Variants in SLC25A48 observed in about 807,000 individuals in gnomAD.
SLC25A48 encodes solute carrier family 25 member 48.
A neutral mutation model predicts 32.2 loss-of-function variants in SLC25A48; 29 were observed. That is an observed-to-expected ratio of 0.90 (90% CI 0.67 to 1.23). The LOEUF is 1.23. SLC25A48 is among the 50% of genes most tolerant of loss of function. The pLI is 0.00. For missense variants in SLC25A48, 399 were observed against 422.7 expected, an observed-to-expected ratio of 0.94 and a Z score of 0.49; for synonymous variants, 164 against 172.3, an observed-to-expected ratio of 0.95 and a Z score of 0.38.
At chr5:135,733,842 G>A (rs906889685) in intron 3 of SLC25A48, among the ~76,000 whole-genome samples, 1 of 152,064 alleles carries the variant, frequency 6.6e-6, no homozygotes, top group African/African-American at 2.4e-5. Flanking sequence ...GGATTTATGG[G>A]GTCAGCTAGG....
At chr5:135,856,762 G>T (rs1760355806) in intron 4 of SLC25A48, among the ~76,000 whole-genome samples, 1 of 152,234 alleles carries the variant, frequency 6.6e-6, no homozygotes, top group Non-Finnish European at 1.5e-5. Context: ...GAACTTTGCT[G>T]ATCTGTCCCA....
chr5:135,742,227 G>C (rs1755516130), intron 3 of SLC25A48, among the ~76,000 whole-genome samples: 1 of 152,148 alleles, frequency 6.6e-6, no homozygotes, highest in Non-Finnish European at 1.5e-5. Context: ...TTACAGGCCT[G>C]TGCTACCACA....
chr5:135,850,275 G>A (rs1759734730), intron 2 of SLC25A48, 150 bp from the exon 3 acceptor site: 1 of 686,360 alleles, frequency 1.5e-6, no homozygotes, highest in East Asian at 2.6e-5. Flanking sequence ...GTGCAAGCTG[G>A]AGACAGGGCA....
chr5:135,878,452 T>C (rs952713007), intron 6 of SLC25A48, among the ~76,000 whole-genome samples: 3 of 152,210 alleles, frequency 2.0e-5, no homozygotes, highest in African/African-American at 7.2e-5. Context: ...AGTGTTAATA[T>C]TACCAGGATC....
At chr5:135,590,042 C>A (rs777559597) in intron 1 of SLC25A48, among the ~76,000 whole-genome samples, 4 of 152,102 alleles carry the variant, frequency 2.6e-5, no homozygotes, top group Non-Finnish European at 4.4e-5. Flanking sequence ...AGGTAAATTC[C>A]CAGATTTGCT....
At chr5:135,647,626 G>C (rs1319992160) in intron 3 of SLC25A48, among the ~76,000 whole-genome samples, 1 of 152,200 alleles carries the variant, frequency 6.6e-6, no homozygotes, top group African/African-American at 2.4e-5. Flanking sequence ...GGCATGTGCA[G>C]AGGAGGCCTC....
intron 1 of SLC25A48, among the ~76,000 whole-genome samples, chr5:135,838,596 C>A (rs1051206272): frequency 3.3e-5 from 5 of 152,224 alleles, no homozygotes; most frequent in Non-Finnish European, 7.3e-5. Flanking sequence ...GGCCCAGGGA[C>A]CTCTGCTCTG....
At chr5:135,687,252 A>C (rs140690795) in intron 3 of SLC25A48, among the ~76,000 whole-genome samples, 32 of 152,334 alleles carry the variant, frequency 2.1e-4, no homozygotes, top group African/African-American at 5.8e-4. Flanking sequence ...GAAGGTGAGC[A>C]CTTTACCACC....
intron 1 of SLC25A48, among the ~76,000 whole-genome samples, chr5:135,626,562 GTGTC>G (rs1258943221): frequency 1.3e-5 from 2 of 152,218 alleles, no homozygotes; most frequent in East Asian, 3.9e-4. Context: ...GCATAAGTGT[GTGTC>G]TGTGTGTGTG....
chr5:135,772,756 C>T (rs78831502), intron 3 of SLC25A48, among the ~76,000 whole-genome samples: 1,702 of 151,112 alleles, frequency 0.011, 30 homozygotes, highest in African/African-American at 0.039. Context: ...TGATATTTTT[C>T]GTAATATCCA....
intron 3 of SLC25A48, among the ~76,000 whole-genome samples, chr5:135,655,537 C>A (rs183091027): frequency 6.3e-4 from 96 of 152,228 alleles, no homozygotes; most frequent in African/African-American, 2.2e-3. Context: ...CAAGAAAGTC[C>A]CCAAAGGGCT....
At chr5:135,648,091 A>T (rs1403791350) in intron 3 of SLC25A48, among the ~76,000 whole-genome samples, 2 of 152,090 alleles carry the variant, frequency 1.3e-5, no homozygotes, top group Non-Finnish European at 2.9e-5. Context: ...TGAGAGTCTT[A>T]TGAAGTACAG....
intron 3 of SLC25A48, among the ~76,000 whole-genome samples, chr5:135,804,387 C>T (rs1249828049): frequency 2.0e-5 from 3 of 151,588 alleles, no homozygotes; most frequent in African/African-American, 7.3e-5. Context: ...GGTTTCCACC[C>T]ATAATGTACA....
chr5:135,786,446 A>C (rs1756851185), intron 3 of SLC25A48, among the ~76,000 whole-genome samples: 1 of 151,944 alleles, frequency 6.6e-6, no homozygotes, highest in East Asian at 1.9e-4. Context: ...GTAATGTCAT[A>C]AGGGGATATT....
intron 4 of SLC25A48, 32 bp downstream of exon 4, chr5:135,852,853 T>C (rs1463210453): frequency 6.3e-7 from 1 of 1,582,218 alleles, no homozygotes. Flanking sequence ...GGCTGGTGTC[T>C]GGGACTTGTG....
At chr5:135,612,334 T>C (rs201214143) in intron 1 of SLC25A48, among the ~76,000 whole-genome samples, 16 of 152,142 alleles carry the variant, frequency 1.1e-4, no homozygotes, top group Non-Finnish European at 2.1e-4. Flanking sequence ...AATGATCAAA[T>C]CAGTGTTGTT....
At chr5:135,584,881 C>T (rs1377520607) in intron 1 of SLC25A48, among the ~76,000 whole-genome samples, 4 of 152,328 alleles carry the variant, frequency 2.6e-5, no homozygotes, top group East Asian at 1.9e-4. Context: ...GAGTTACAAA[C>T]GTCATTCTCT....
At chr5:135,589,786 C>T (rs1173136883) in intron 1 of SLC25A48, among the ~76,000 whole-genome samples, 1 of 152,190 alleles carries the variant, frequency 6.6e-6, no homozygotes, top group Admixed American at 6.5e-5. Context: ...CCTCTGCCTC[C>T]TGGGTTCAAG....
At chr5:135,772,828 G>T (rs1454364459) in intron 3 of SLC25A48, among the ~76,000 whole-genome samples, 3 of 151,100 alleles carry the variant, frequency 2.0e-5, no homozygotes, top group African/African-American at 7.3e-5. Flanking sequence ...CTGTGATATT[G>T]TTCAGAATAA....
Sources: gnomAD v4.1 joint callset for allele counts (sites outside exome capture counted in the v4.1 genomes callset) on GRCh38, gnomAD v4.1.1 for gene constraint, MANE v1.5 for transcripts, NCBI Gene and HGNC (gene_info 2026-07-23, HGNC 2026-07-21) for gene names.